Variants in SMC6 observed in about 807,000 individuals in gnomAD.
SMC6 encodes the protein structural maintenance of chromosomes protein 6.
SMC6 carries 79 observed loss-of-function variants against 142.2 expected under a neutral mutation model. The observed-to-expected ratio is 0.56, with a 90% confidence interval of 0.46 to 0.67. The LOEUF (loss-of-function observed/expected upper bound fraction) is 0.67. SMC6 is among the 30% of genes least tolerant of loss of function. The probability of loss-of-function intolerance (pLI) is 0.00; values close to 1 mark genes in which losing one functional copy is unlikely to be tolerated. For synonymous variants in SMC6, 411 were observed against 412.4 expected (o/e 1.00, Z 0.04); for missense variants, 1,072 against 1,284.0 (o/e 0.83, Z 2.52).
intron 25 of SMC6, among the ~76,000 whole-genome samples, chr2:17,671,806 A>G (rs1439562654): frequency 6.6e-6 from 1 of 151,922 alleles, no homozygotes; most frequent in Admixed American, 6.6e-5. Flanking sequence ...CATTCACACA[A>G]TTTCCTGAGA....
intron 23 of SMC6, among the ~76,000 whole-genome samples, chr2:17,687,553 A>C (rs1667515335): frequency 6.6e-6 from 1 of 152,194 alleles, no homozygotes; most frequent in Non-Finnish European, 1.5e-5. Flanking sequence ...GAAAAAAGAA[A>C]ACACATATGA....
chr2:17,716,793 C>G lies in SMC6; in HGVS notation c.1294G>C (p.Glu432Gln). 6.2e-7 allele frequency: 1 copy of G among 1,613,480 alleles called. No individual in the cohort carries two copies. Residue 432 changes from glutamate (E) to glutamine (Q), a missense_variant, in exon 14 of 28, where the codon GAA becomes CAA. By Grantham distance (29) the Glu-to-Gln change is conservative (BLOSUM62 2). Around this residue, in one of 3 missense-constraint regions of SMC6, gnomAD observed 994 missense variants for 1,153.2 expected, o/e 0.86. Transcript: ENST00000448223. The stretch of plus-strand genomic sequence containing the variant: ...TTTTCTATGGCTTGCTGAAACTGTT[C>G]GATCTCTTGATTGACTGAATTTTCT... ...NQENSVNQEI[E>Q]QFQQAIEKDK...
chr2:17,713,001 C>G (rs1470817629), intron 16 of SMC6, among the ~76,000 whole-genome samples: 1 of 152,220 alleles, frequency 6.6e-6, no homozygotes, highest in Non-Finnish European at 1.5e-5. Flanking sequence ...TCACTCTTAC[C>G]ACAACCTCCT....
intron 3 of SMC6, among the ~76,000 whole-genome samples, chr2:17,743,695 T>C (rs1331605937): frequency 6.6e-6 from 1 of 152,158 alleles, no homozygotes; most frequent in Admixed American, 6.6e-5. Context: ...ACCATTTTAG[T>C]ATAGTACAGT....
chr2:17,738,394 G>T, intron 4 of SMC6, 68 bp from the exon 5 acceptor site: 2 of 1,039,674 alleles, frequency 1.9e-6, no homozygotes, highest in Non-Finnish European at 2.8e-6. Flanking sequence ...CTCCTACCAT[G>T]TAATGCAAAA....
chr2:17,708,464 C>T (rs932163717), intron 17 of SMC6, among the ~76,000 whole-genome samples, 175 bp downstream of exon 17: 2 of 152,014 alleles, frequency 1.3e-5, no homozygotes, highest in Non-Finnish European at 1.5e-5. Context: ...GGGCAGAAAA[C>T]GTACAAATCA....
chr2:17,687,527 AAGT>A (rs60181795), intron 23 of SMC6, among the ~76,000 whole-genome samples: 45,701 of 151,898 alleles, frequency 0.3, 7,323 homozygotes, highest in Non-Finnish European at 0.33. Context: ...TTGTGAAAAA[AAGT>A]AGAGGAACCA....
intron 7 of SMC6, among the ~76,000 whole-genome samples, chr2:17,727,630 G>T (rs1572338213): frequency 6.6e-6 from 1 of 151,846 alleles, no homozygotes; most frequent in African/African-American, 2.4e-5. Flanking sequence ...AATTGGAAAA[G>T]TATAGAAAAA....
At chr2:17,731,185 T>A (rs773287591) in intron 6 of SMC6, 46 bp from the exon 7 acceptor site, 2 of 1,330,176 alleles carry the variant, frequency 1.5e-6, no homozygotes, top group Admixed American at 4.1e-5. Flanking sequence ...TTCTAGGGCA[T>A]AACACAGAAA....
intron 26 of SMC6, among the ~76,000 whole-genome samples, 181 bp downstream of exon 26, chr2:17,670,234 ACTGTGTGC>A (rs1332981955): frequency 2.6e-5 from 4 of 152,204 alleles, no homozygotes. Flanking sequence ...CTCTAGGGTT[ACTGTGTGC>A]CTAGAAGCAA....
intron 23 of SMC6, among the ~76,000 whole-genome samples, chr2:17,691,313 GGTGTGTGTGTGTGTGTGTGTCTCTGT>G (rs1667708958): frequency 9.8e-6 from 1 of 101,670 alleles, no homozygotes; most frequent in African/African-American, 4.6e-5. Flanking sequence ...ATAGTATTCT[GGTGTGTGTGTGTGTGTGTGTCTCTGT>G]GTGTGTGTGT....
chr2:17,676,887 C>T (rs1486390683), intron 25 of SMC6, among the ~76,000 whole-genome samples: 1 of 152,110 alleles, frequency 6.6e-6, no homozygotes, highest in Non-Finnish European at 1.5e-5. Flanking sequence ...TTTTTGCATA[C>T]TGATTGTGTC....
intron 18 of SMC6, among the ~76,000 whole-genome samples, chr2:17,704,169 G>C (rs1572294297): frequency 6.6e-6 from 1 of 151,664 alleles, no homozygotes; most frequent in East Asian, 1.9e-4. Context: ...TATATCCATA[G>C]TACTACAGGA....
chr2:17,685,652 A>T (rs913901261), intron 23 of SMC6, among the ~76,000 whole-genome samples: 4 of 152,256 alleles, frequency 2.6e-5, no homozygotes, highest in South Asian at 4.1e-4. Flanking sequence ...AGTACTAAAA[A>T]ATCATAGGTA....
At chr2:17,702,010 A>G in intron 19 of SMC6, 101 bp from the exon 20 acceptor site, 1 of 639,240 alleles carries the variant, frequency 1.6e-6, no homozygotes, top group Non-Finnish European at 2.7e-6. Flanking sequence ...ATGATGATAC[A>G]GAAGGATTCC....
rs368991791 is a variant in SMC6 at position 17,678,862 on chromosome 2, T to C, written c.2907A>G (p.Ile969Met). 7.6e-6 allele frequency: 12 copies of C among 1,583,550 alleles called. No homozygotes were observed. Among genetic ancestry groups the C allele is most frequent in the Non-Finnish European group, 8.7e-6 (10 of 1,155,262 alleles). The change falls in exon 25 of 28, where the codon ATA (isoleucine) becomes ATG (methionine). Residue 969 changes from isoleucine to methionine, a missense_variant. Around this residue, in one of 3 missense-constraint regions of SMC6, gnomAD observed 994 missense variants for 1,153.2 expected, o/e 0.86. Coordinates refer to ENST00000448223, the MANE Select transcript of SMC6 (RefSeq NM_001142286.2). ...TGAAAAGAATTAGGATACTTACTGA[T>C]ATACTTAGAGTTTCATTCTTGTGGT... ...NFDHKNETLS[I>M]SVQPGEGNKA... is the part of the protein sequence containing the mutation.
At chr2:17,723,013 AGAAAAGAAAG>A (rs1242304272) in intron 9 of SMC6, among the ~76,000 whole-genome samples, 6 of 149,594 alleles carry the variant, frequency 4.0e-5, no homozygotes, top group African/African-American at 1.5e-4. Context: ...AAAAAAAAAA[AGAAAAGAAAG>A]GAAAAAAAAA....
intron 21 of SMC6, among the ~76,000 whole-genome samples, chr2:17,697,292 T>C (rs1394442815): frequency 6.6e-6 from 1 of 151,792 alleles, no homozygotes; most frequent in African/African-American, 2.4e-5. Flanking sequence ...AATACTGTAT[T>C]TATACAAAAA....
chr2:17,711,045 A>T (rs1309154737), intron 16 of SMC6, among the ~76,000 whole-genome samples: 1 of 152,176 alleles, frequency 6.6e-6, no homozygotes, highest in Non-Finnish European at 1.5e-5. Context: ...GGAGTCTAAG[A>T]GGGGAGGACG....
Sources: gnomAD v4.1 joint callset for allele counts (sites outside exome capture counted in the v4.1 genomes callset) on GRCh38, gnomAD v4.1.1 for gene constraint, gnomAD v4.1.1 regional missense constraint, MANE v1.5 for transcripts, NCBI Gene and HGNC (gene_info 2026-07-23, HGNC 2026-07-21) for gene names.